LDAH: variants seen among roughly 807,000 people sequenced by gnomAD.
LDAH encodes the protein lipid droplet associated hydrolase.
Under a neutral mutation model 29.6 loss-of-function variants are expected in LDAH, and 26 were observed. That is an observed-to-expected ratio of 0.88 (90% CI 0.64 to 1.22). The LOEUF (loss-of-function observed/expected upper bound fraction) is 1.22. LDAH is among the 50% of genes most tolerant of loss of function. The pLI, the probability that LDAH is intolerant of heterozygous loss-of-function variation, is 0.00. For missense variants in LDAH, 344 were observed against 387.3 expected, an observed-to-expected ratio of 0.89 and a Z score of 0.94; for synonymous variants, 117 against 133.0, an observed-to-expected ratio of 0.88 and a Z score of 0.83.
At chr2:20,781,328 A>G (rs1670178451) in intron 3 of LDAH, among the ~76,000 whole-genome samples, 1 of 152,172 alleles carries the variant, frequency 6.6e-6, no homozygotes, top group Non-Finnish European at 1.5e-5. Context: ...AATGTGGTCT[A>G]CTAGAATATT....
chr2:20,789,668 C>G (rs1670810780), intron 3 of LDAH, among the ~76,000 whole-genome samples: 1 of 152,286 alleles, frequency 6.6e-6, no homozygotes, highest in East Asian at 1.9e-4. Context: ...GGGTTCCCAA[C>G]CCCTGTCTGT....
At chr2:20,781,251 C>T (rs780740820) in intron 3 of LDAH, among the ~76,000 whole-genome samples, 3 of 152,070 alleles carry the variant, frequency 2.0e-5, no homozygotes, top group African/African-American at 4.8e-5. Context: ...TTTTTCCCCT[C>T]GAATCATCCC....
intron 5 of LDAH, among the ~76,000 whole-genome samples, chr2:20,732,388 A>C (rs1666472333): frequency 6.6e-6 from 1 of 152,096 alleles, no homozygotes; most frequent in African/African-American, 2.4e-5. Flanking sequence ...GATATTAGAT[A>C]ATACTAGCTT....
At chr2:20,816,642 T>C (rs562453580) in intron 1 of LDAH, among the ~76,000 whole-genome samples, 2 of 152,154 alleles carry the variant, frequency 1.3e-5, no homozygotes, top group East Asian at 1.9e-4. Context: ...TCCATAATTA[T>C]AGTTGGGATC....
At chr2:20,753,688 C>A (rs1376357152) in intron 4 of LDAH, among the ~76,000 whole-genome samples, 1 of 152,204 alleles carries the variant, frequency 6.6e-6, no homozygotes, top group Non-Finnish European at 1.5e-5. Flanking sequence ...GTTTCTCAAA[C>A]AGGCATACTC....
At chr2:20,735,695 A>T (rs1666726836) in intron 5 of LDAH, among the ~76,000 whole-genome samples, 1 of 152,008 alleles carries the variant, frequency 6.6e-6, no homozygotes, top group African/African-American at 2.4e-5. Context: ...GAGATTCTGG[A>T]TCTTACTTAA....
At chr2:20,722,778 C>A (rs1665751993) in intron 5 of LDAH, among the ~76,000 whole-genome samples, 1 of 152,154 alleles carries the variant, frequency 6.6e-6, no homozygotes, top group African/African-American at 2.4e-5. Flanking sequence ...TTAACACCAT[C>A]AGATGGCACT....
chr2:20,802,380 A>G (rs1671770971), intron 1 of LDAH, among the ~76,000 whole-genome samples: 1 of 152,204 alleles, frequency 6.6e-6, no homozygotes, highest in African/African-American at 2.4e-5. Flanking sequence ...TATTTTATGT[A>G]TTAAAGCACT....
chr2:20,694,387 A>C (rs2149338160), intron 6 of LDAH, among the ~76,000 whole-genome samples: 1 of 152,326 alleles, frequency 6.6e-6, no homozygotes, highest in Middle Eastern at 3.4e-3. Flanking sequence ...ATCTCCTTTC[A>C]GTTACTTAAA....
At chr2:20,753,173 T>C (rs982801490) in intron 4 of LDAH, among the ~76,000 whole-genome samples, 3 of 152,246 alleles carry the variant, frequency 2.0e-5, no homozygotes, top group African/African-American at 7.2e-5. Flanking sequence ...TACTTCTCTG[T>C]GACTATTATT....
chr2:20,775,057 A>G (rs563541015), intron 3 of LDAH, 78 bp from the exon 4 acceptor site: 3 of 1,317,176 alleles, frequency 2.3e-6, no homozygotes, highest in Admixed American at 4.5e-5. Flanking sequence ...GATAACAATC[A>G]TGATAAAAAG....
At chr2:20,799,727 C>T (rs760190863) in intron 2 of LDAH, among the ~76,000 whole-genome samples, 4 of 152,014 alleles carry the variant, frequency 2.6e-5, no homozygotes, top group Non-Finnish European at 4.4e-5. Flanking sequence ...TCTGCCTTTA[C>T]GAGATCAATT....
chr2:20,722,400 A>AAAAAT (rs1665716428), intron 5 of LDAH, among the ~76,000 whole-genome samples: 1 of 144,618 alleles, frequency 6.9e-6, no homozygotes, highest in Non-Finnish European at 1.5e-5. Context: ...AAAAAAAAAA[A>AAAAAT]GTGAATCTCA....
At chr2:20,683,548 T>G (rs1662371483), downstream of LDAH, among the ~76,000 whole-genome samples, 1 of 152,208 alleles carries the variant, frequency 6.6e-6, no homozygotes, top group South Asian at 2.1e-4. Context: ...CTAAATCGAC[T>G]GTTAGAACAT....
Position 20,771,961 on chromosome 2 carries a change from C to G in LDAH, c.468+2849G>C, listed in dbSNP as rs1669465028. ...ACGTTTCATCTTTGTTTCCCCTTTT[C>G]ACCACTATTCCTGCAAAAGCAAGGA... On this transcript the variant is annotated intron_variant, in intron 4 of 6. Coordinates refer to ENST00000237822, the MANE Select transcript of LDAH (RefSeq NM_021925.4). Among the ~76,000 whole-genome samples the G allele has an allele frequency of 2.0e-5, 3 of 152,186 alleles. No homozygotes were observed. In the South Asian group the frequency reaches 6.2e-4, roughly 32 times the overall value.
chr2:20,710,629 T>TAG (rs1553336580), intron 5 of LDAH, among the ~76,000 whole-genome samples: 33 of 135,358 alleles, frequency 2.4e-4, no homozygotes, highest in South Asian at 1.9e-3. Context: ...TAGATATATA[T>TAG]ATATAGATAT....
intron 4 of LDAH, among the ~76,000 whole-genome samples, chr2:20,746,014 A>G (rs1422116577): frequency 1.1e-4 from 16 of 152,210 alleles, no homozygotes; most frequent in Non-Finnish European, 2.9e-5. Flanking sequence ...GCATGTGCAG[A>G]GGCCATAGAA....
rs112683417 is a variant in LDAH at position 20,818,952 on chromosome 2, C to T, written c.-3+4085G>A. 5.1e-3 allele frequency among the ~76,000 whole-genome samples: 780 copies of T among 152,192 alleles called. 8 individuals carry two copies. Among genetic ancestry groups the T allele is most frequent in the African/African-American group, 0.018 (741 of 41,518 alleles). ...CTTCTTTTAATGACTTTTACATTTT[C>T]ACCTACTTTTGCTGTATTTGCTGTC... On this transcript the variant is annotated intron_variant, in intron 1 of 6. Coordinates refer to ENST00000237822, the MANE Select transcript of LDAH (RefSeq NM_021925.4).
rs556459516 is a variant in LDAH at position 20,717,328 on chromosome 2, A to G, written c.704-15676T>C. Among the ~76,000 whole-genome samples the G allele has an allele frequency of 2.8e-4, 42 of 152,326 alleles. No individual in the cohort carries two copies. In the South Asian group the frequency reaches 8.7e-3, roughly 32 times the overall value. On this transcript the variant is annotated intron_variant, in intron 5 of 6. Coordinates refer to ENST00000237822, the MANE Select transcript of LDAH (RefSeq NM_021925.4). Reference sequence around the variant, plus strand: ...GAGACAATCCACAGAGTGGAAGAAGATATGTGCCATATGTCAAAGGTACTG... The same window carrying G: ...GAGACAATCCACAGAGTGGAAGAAGGTATGTGCCATATGTCAAAGGTACTG...
Sources: gnomAD v4.1 joint callset for allele counts (sites outside exome capture counted in the v4.1 genomes callset) on GRCh38, gnomAD v4.1.1 for gene constraint, MANE v1.5 for transcripts, NCBI Gene and HGNC (gene_info 2026-07-23, HGNC 2026-07-21) for gene names.